PPP1R27: variants seen among roughly 807,000 people sequenced by gnomAD.
PPP1R27 encodes the protein protein phosphatase 1 regulatory subunit 27, also known as dysferlin interacting protein 1.
In PPP1R27, 10 loss-of-function variants were observed where a neutral mutation model predicts 12.0. That is an observed-to-expected ratio of 0.84 (90% CI 0.52 to 1.42). The LOEUF (loss-of-function observed/expected upper bound fraction) is 1.42, where lower values mean the gene tolerates loss of function less well. PPP1R27 is among the 40% of genes most tolerant of loss of function. The pLI, the probability that PPP1R27 is intolerant of heterozygous loss-of-function variation, is 0.00. For synonymous variants in PPP1R27, 98 were observed against 89.3 expected (o/e 1.10, Z -0.55); for missense variants, 246 against 215.3 (o/e 1.14, Z -0.89).
Position 81,834,961 on chromosome 17 carries a change from G to A in PPP1R27, c.-8C>T, listed in dbSNP as rs763837929. The A allele has an allele frequency of 1.6e-5, 26 of 1,589,878 alleles. No individual in the cohort carries two copies. The highest frequency in any genetic ancestry group is 2.7e-5 in the African/African-American group (2 of 74,600). On this transcript the variant is annotated 5_prime_UTR_variant, in exon 1 of 3. Coordinates refer to ENST00000330261, the MANE Select transcript of PPP1R27 (RefSeq NM_001007533.4). ...GGCAGTTCTGCTAGGCATCTTGGGCGCTGTGGGGCAGGTTGCCCCTGGGGA... is the reference window on the plus strand; with the variant it reads ...GGCAGTTCTGCTAGGCATCTTGGGCACTGTGGGGCAGGTTGCCCCTGGGGA...
rs2038571878 is a variant in PPP1R27, at chr17:81,833,646, T to C, written c.*83A>G. ...GGTCCGGCCGCCCCTGGCCCACGGG[T>C]GGGGCACGTGCTGGCCCATGGGCGA... On this transcript the variant is annotated 3_prime_UTR_variant, in exon 3 of 3. Coordinates refer to ENST00000330261, the MANE Select transcript of PPP1R27 (RefSeq NM_001007533.4). The C allele has an allele frequency of 6.9e-7, 1 of 1,445,540 alleles. No individual in the cohort carries two copies. The highest frequency in any genetic ancestry group is 2.3e-5 in the Admixed American group (1 of 44,254). The allele number at this position is 1,445,540 out of a possible 1,614,324, so 89.5% of individuals were successfully genotyped here. A position where few individuals can be genotyped will look rare whatever the true frequency, so the allele number is the denominator to read the frequency against.
At chr17:81,834,372 G>T in intron 2 of PPP1R27, 131 bp downstream of exon 2, 2 of 1,041,036 alleles carry the variant, frequency 1.9e-6, no homozygotes, top group South Asian at 1.6e-5. Context: ...GCGCAGGCGT[G>T]AGCCACCGCC....
In PPP1R27 at chr17:81,834,586, GT is replaced by G. The variant is rs1567830588; in HGVS notation, c.257del (p.Tyr86SerfsTer27). On this transcript the variant is annotated frameshift_variant, in exon 2 of 3. Coordinates refer to ENST00000330261, the MANE Select transcript of PPP1R27 (RefSeq NM_001007533.4). LOFTEE classifies it high-confidence loss of function. ...CATCTCGCTGGTGAATGTCAGCCCCGTATTTGACCAGCAGCTTCACGCATTC... is the reference window on the plus strand; with the variant it reads ...CATCTCGCTGGTGAATGTCAGCCCCGATTTGACCAGCAGCTTCACGCATTC... Reference protein sequence around the residue: ...NLECVKLLVKYGADIHQRDEA... With the variant: ...NLECVKLLVKXGADIHQRDEA... 3 of 1,614,194 alleles carry G rather than the reference GT, an allele frequency of 1.9e-6. No individual in the cohort carries two copies. Among genetic ancestry groups the G allele is most frequent in the Non-Finnish European group, 2.5e-6 (3 of 1,180,024 alleles).
Position 81,833,848 on chromosome 17 carries a change from G to C in PPP1R27, c.346C>G (p.Leu116Val). 6.3e-7 allele frequency: 1 copy of C among 1,594,890 alleles called. No homozygotes were observed. The highest frequency in any genetic ancestry group is 8.5e-7 in the Non-Finnish European group (1 of 1,171,092). ...SDGYPDIARY[L>V]ISLGADRDAT... The stretch of plus-strand genomic sequence containing the variant: ...TCCCTGTCCGCTCCCAGGGAGATAA[G>C]GTACCTGGGGTGTAAAGGTCGCTCT... The change falls in exon 3 of 3, where the codon CTT becomes GTT. Residue 116 changes from leucine to valine, a missense_variant. Leu to Val is a conservative substitution (Grantham distance 32, BLOSUM62 1). Coordinates refer to ENST00000330261, the MANE Select transcript of PPP1R27 (RefSeq NM_001007533.4).
At position 81,834,595 on chromosome 17, in the gene PPP1R27, C is replaced by A. The variant is rs763640006; in HGVS notation, c.249G>T (p.Leu83=). 29 of 1,614,082 alleles carry A rather than the reference C, an allele frequency of 1.8e-5. No homozygotes were observed. Among genetic ancestry groups the A allele is most frequent in the Middle Eastern group, 1.6e-4 (1 of 6,084 alleles). The change falls in exon 2 of 3, where the codon CTG becomes CTT. Residue 83 remains leucine (L), a synonymous_variant. Transcript: ENST00000330261. The part of the protein sequence containing the change: ...LSGNLECVKL[L]VKYGADIHQR... ...GGTGAATGTCAGCCCCGTATTTGAC[C>A]AGCAGCTTCACGCATTCCAGGTTTC...
Position 81,834,798 on chromosome 17 carries a change from A to C in PPP1R27, c.156T>G (p.Thr52=), listed in dbSNP as rs752721878. ...DLEQVGRFIR[T]RKVSLATIHP... ...GGATGGTGGCCAGGGAGACTTTCCG[A>C]GTCCGGATGAAGCGCCCCACCTGCT... Residue 52 remains threonine (T), a synonymous_variant, in exon 1 of 3, where the codon ACT becomes ACG. Transcript: ENST00000330261. The C allele has an allele frequency of 1.2e-6, 2 of 1,613,104 alleles. No individual in the cohort carries two copies. Among genetic ancestry groups the C allele is most frequent in the African/African-American group, 2.7e-5 (2 of 74,938 alleles).
At position 81,833,791 on chromosome 17, in the gene PPP1R27, CG is replaced by C; in HGVS notation, c.402del (p.Asp135ThrfsTer67). On this transcript the variant is annotated frameshift_variant, in exon 3 of 3. Coordinates refer to ENST00000330261, the MANE Select transcript of PPP1R27 (RefSeq NM_001007533.4). LOFTEE classifies it high-confidence loss of function. ...DATNDDGDLP[S>X]DLIDPDYKEL... ...TCCTTGTAGTCCGGGTCGATGAGGT[CG>C]GAGGGCAGGTCGCCATCGTCGTTGG... 6.4e-7 allele frequency: 1 copy of C among 1,563,096 alleles called. No individual in the cohort carries two copies.
In PPP1R27 at chr17:81,834,513, C is replaced by G; in HGVS notation, c.331G>C (p.Asp111His). The part of the protein sequence containing the change: ...LHIACSDGYP[D>H]IARYLISLGA... ...CCAGGGCCCCCTCACCTGGCTATGT[C>G]AGGGTACCCATCGCTGCAGGCAATG... Residue 111 changes from aspartate to histidine, a missense_variant, in exon 2 of 3, where the codon GAC becomes CAC. By Grantham distance (81) the Asp-to-His change is moderately conservative. Transcript: ENST00000330261. 6.2e-7 allele frequency: 1 copy of G among 1,613,968 alleles called. No individual in the cohort carries two copies. The highest frequency in any genetic ancestry group is 1.3e-5 in the African/African-American group (1 of 75,054).
At position 81,834,668 on chromosome 17, in the gene PPP1R27, C is replaced by T. The variant is rs201346402; in HGVS notation, c.191-15G>A. On this transcript the variant is annotated splice_polypyrimidine_tract_variant and intron_variant, in intron 1 of 2. Coordinates refer to ENST00000330261, the MANE Select transcript of PPP1R27 (RefSeq NM_001007533.4). ...GGCGGCCAGGCCTGGGCAGGGAGGA[C>T]GGGAGGGGTCAAGACTGAGCCCCAG... 5.6e-6 allele frequency: 9 copies of T among 1,613,930 alleles called. No homozygotes were observed. The Admixed American group carries it at 8.3e-5, about 15-fold the overall frequency.
At chr17:81,834,407 C>A in intron 2 of PPP1R27, 96 bp downstream of exon 2, 2 of 1,438,040 alleles carry the variant, frequency 1.4e-6, no homozygotes, top group Non-Finnish European at 1.9e-6. Flanking sequence ...TTCTTGCCGA[C>A]ACCACCCGGG....
rs777476929 is a variant in PPP1R27, at chr17:81,834,896, TCCGCCG to T, written c.52_57del (p.Arg18_Arg19del). ...AAACGCACGCTGCGATCAGCCAGCA[TCCGCCG>T]CCGCCGCTGCCGTGGGCTGTAGCGG... On this transcript the variant is annotated inframe_deletion, in exon 1 of 3. Coordinates refer to ENST00000330261, the MANE Select transcript of PPP1R27 (RefSeq NM_001007533.4). 6.2e-7 allele frequency: 1 copy of T among 1,611,958 alleles called. No individual in the cohort carries two copies. Among genetic ancestry groups the T allele is most frequent in the Non-Finnish European group, 8.5e-7 (1 of 1,179,708 alleles).
chr17:81,833,494 A>G lies in PPP1R27; in HGVS notation c.*235T>C, dbSNP rs1311081686. 5 of 501,950 alleles carry G rather than the reference A, an allele frequency of 1.0e-5. No homozygotes were observed. The East Asian group carries it at 1.8e-4, about 18-fold the overall frequency. 31.1% of individuals were successfully genotyped at this position (501,950 alleles called of 1,614,324 possible). On this transcript the variant is annotated 3_prime_UTR_variant, in exon 3 of 3. Coordinates refer to ENST00000330261, the MANE Select transcript of PPP1R27 (RefSeq NM_001007533.4). ...TAATCAGGACACCACCACAGGGACCACGTGTGTAGACCCAGGCCCCCTCAC... is the reference window on the plus strand; with the variant it reads ...TAATCAGGACACCACCACAGGGACCGCGTGTGTAGACCCAGGCCCCCTCAC...
At position 81,833,803 on chromosome 17, in the gene PPP1R27, C is replaced by T; in HGVS notation, c.391G>A (p.Asp131Asn). The change falls in exon 3 of 3, where the codon GAC becomes AAC. Residue 131 changes from aspartate (D) to asparagine (N), a missense_variant. Physicochemically the swap from Asp to Asn is conservative, Grantham distance 23. Transcript: ENST00000330261. ...GGGTCGATGAGGTCGGAGGGCAGGT[C>T]GCCATCGTCGTTGGTTGCATCCCTG... ...ADRDATNDDG[D>N]LPSDLIDPDY... The T allele has an allele frequency of 1.3e-6, 2 of 1,570,334 alleles. No homozygotes were observed. Among genetic ancestry groups the T allele is most frequent in the African/African-American group, 1.4e-5 (1 of 74,018 alleles).
At chr17:81,833,956 C>G (rs1008394260) in intron 2 of PPP1R27, 104 bp from the exon 3 acceptor site, 2 of 1,386,658 alleles carry the variant, frequency 1.4e-6, no homozygotes, top group Non-Finnish European at 1.9e-6. Context: ...TGTGTGTCCC[C>G]CACCTTGGGG....
chr17:81,833,908 C>G (rs531738035), intron 2 of PPP1R27, 56 bp from the exon 3 acceptor site: 1 of 1,567,174 alleles, frequency 6.4e-7, no homozygotes, highest in South Asian at 1.2e-5. Context: ...GAGTGCTCGC[C>G]CCAACCCGGG....
Position 81,834,249 on chromosome 17 carries a change from G to T in PPP1R27, c.341+254C>A, listed in dbSNP as rs572686034. 345 of 503,930 alleles carry T rather than the reference G, an allele frequency of 6.8e-4. 4 individuals carry two copies. In the South Asian group the frequency reaches 8.4e-3, roughly 12 times the overall value. The allele number at this position is 503,930 out of a possible 1,614,324, so 31.2% of individuals were successfully genotyped here. A position where few individuals can be genotyped will look rare whatever the true frequency, so the allele number is the denominator to read the frequency against. ...CTTGAGTAGCTGGGATTACAGGCGC[G>T]CGCCACCACGCGTGGCTAATTTTGT... On this transcript the variant is annotated intron_variant, in intron 2 of 2. Transcript: ENST00000330261.
At chr17:81,834,462 G>T in intron 2 of PPP1R27, 41 bp downstream of exon 2, 1 of 1,601,994 alleles carries the variant, frequency 6.2e-7, no homozygotes, top group Non-Finnish European at 8.5e-7. Flanking sequence ...GAGGCCCGGA[G>T]GGGTCGGGTT....
Position 81,833,508 on chromosome 17 carries a change from A to C in PPP1R27, c.*221T>G, listed in dbSNP as rs1354963087. ...CCACAGGGACCACGTGTGTAGACCC[A>C]GGCCCCCTCACCTGGGAGTCACGTT... On this transcript the variant is annotated 3_prime_UTR_variant, in exon 3 of 3. Coordinates refer to ENST00000330261, the MANE Select transcript of PPP1R27 (RefSeq NM_001007533.4). The C allele has an allele frequency of 9.3e-6, 5 of 537,528 alleles. No individual in the cohort carries two copies. In the East Asian group the frequency reaches 9.8e-5, roughly 10 times the overall value. The allele number at this position is 537,528 out of a possible 1,614,324, so 33.3% of individuals were successfully genotyped here.
rs2038572399 is a variant in PPP1R27 at position 81,833,685 on chromosome 17, C to T, written c.*44G>A. 2.0e-6 allele frequency: 3 copies of T among 1,536,052 alleles called. No homozygotes were observed. Among genetic ancestry groups the T allele is most frequent in the South Asian group, 1.2e-5 (1 of 83,502 alleles). ...GCCCATGGGCGACGCGCGGCTTCTCCAGGGAGGCGGCCCTGGGCGCGGGGG... is the reference window on the plus strand; with the variant it reads ...GCCCATGGGCGACGCGCGGCTTCTCTAGGGAGGCGGCCCTGGGCGCGGGGG... On this transcript the variant is annotated 3_prime_UTR_variant, in exon 3 of 3. Transcript: ENST00000330261.
Sources: gnomAD v4.1 joint callset for allele counts on GRCh38, gnomAD v4.1.1 for gene constraint, MANE v1.5 for transcripts, NCBI Gene and HGNC (gene_info 2026-07-23, HGNC 2026-07-21) for gene names.